PLEKHM3: variants seen among roughly 807,000 people sequenced by gnomAD.
PLEKHM3 encodes pleckstrin homology domain-containing family M member 3.
In PLEKHM3, 45 loss-of-function variants were observed where a neutral mutation model predicts 81.8. That is an observed-to-expected ratio of 0.55 (90% CI 0.43 to 0.71). The LOEUF (loss-of-function observed/expected upper bound fraction) is 0.71, where lower values mean the gene tolerates loss of function less well. PLEKHM3 is among the 30% of genes least tolerant of loss of function. The pLI, the probability that PLEKHM3 is intolerant of heterozygous loss-of-function variation, is 0.00. For synonymous variants in PLEKHM3, 352 were observed against 356.4 expected (o/e 0.99, Z 0.14); for missense variants, 788 against 924.3 (o/e 0.85, Z 1.91).
chr2:207,970,284 A>ACTCTCT (rs148855811), intron 3 of PLEKHM3, among the ~76,000 whole-genome samples: 4 of 150,016 alleles, frequency 2.7e-5, no homozygotes, highest in South Asian at 2.1e-4. Context: ...CAAAAATGAA[A>ACTCTCT]CTCTCTCTCT....
intron 2 of PLEKHM3, 86 bp from the exon 3 acceptor site, chr2:207,977,672 A>G: frequency 8.8e-7 from 1 of 1,139,388 alleles, no homozygotes; most frequent in Non-Finnish European, 1.3e-6. Context: ...AGGGCACAAG[A>G]AACCACACAG....
At position 208,013,896 on chromosome 2, in the gene PLEKHM3, G is replaced by A. The variant is rs2106117748; in HGVS notation, c.-319+11493C>T. On this transcript the variant is annotated intron_variant, in intron 1 of 7. Transcript: ENST00000427836. Reference sequence around the variant, plus strand: ...ACAAACCAGTTTCTATGGGCATTCAGAGTAAATGTATGAGAGAAGTAATTA... The same window carrying A: ...ACAAACCAGTTTCTATGGGCATTCAAAGTAAATGTATGAGAGAAGTAATTA... Among the ~76,000 whole-genome samples, 3 of 152,352 alleles carry A rather than the reference G, an allele frequency of 2.0e-5. No individual in the cohort carries two copies. The South Asian group carries it at 6.2e-4, about 32-fold the overall frequency.
chr2:207,892,602 C>T (rs1688093817), intron 6 of PLEKHM3, among the ~76,000 whole-genome samples: 1 of 152,140 alleles, frequency 6.6e-6, no homozygotes. Flanking sequence ...GAAGCTAAAT[C>T]CAAGGTCTGA....
intron 7 of PLEKHM3, among the ~76,000 whole-genome samples, chr2:207,854,148 A>G (rs2092426829): frequency 1.3e-5 from 2 of 152,208 alleles, no homozygotes; most frequent in African/African-American, 4.8e-5. Context: ...GATATTAGGT[A>G]TATTTCTGAG....
intron 4 of PLEKHM3, among the ~76,000 whole-genome samples, chr2:207,942,775 C>T (rs2105962035): frequency 6.6e-6 from 1 of 152,286 alleles, no homozygotes; most frequent in East Asian, 1.9e-4. Flanking sequence ...TGGCATGTGC[C>T]TGTAGTTCCA....
chr2:207,844,261 T>C lies in PLEKHM3; in HGVS notation c.2109-15765A>G, dbSNP rs564433588. On this transcript the variant is annotated intron_variant, in intron 7 of 7. Transcript: ENST00000427836. ...GGTTCATTATTTGTGTACTCTATTA[T>C]GCTATTGGTTTTATAAAATAACAAT... is the stretch of plus-strand genomic sequence containing the variant. Among the ~76,000 whole-genome samples the C allele has an allele frequency of 2.6e-5, 4 of 152,252 alleles. No homozygotes were observed. The South Asian group carries it at 8.3e-4, about 32-fold the overall frequency.
intron 6 of PLEKHM3, among the ~76,000 whole-genome samples, chr2:207,880,298 T>A (rs1445765920): frequency 4.6e-5 from 7 of 151,208 alleles, no homozygotes; most frequent in Non-Finnish European, 1.0e-4. Context: ...TCCCAGCTAC[T>A]GGGGAGGCTG....
Position 207,930,957 on chromosome 2 carries a change from G to A in PLEKHM3, c.1855C>T (p.Arg619Trp). The change falls in exon 5 of 8, where the codon CGG becomes TGG. Residue 619 changes from arginine (R) to tryptophan (W), a missense_variant. Coordinates refer to ENST00000427836, the MANE Select transcript of PLEKHM3 (RefSeq NM_001080475.3). ...KSLRAYLFSC[R>W]AAVAEDLRRR... ...CGGAGATCCTCTGCCACCGCTGCCC[G>A]GCAGCTGAACAAATAGGCTCGGAGC... 2 of 1,613,338 alleles carry A rather than the reference G, an allele frequency of 1.2e-6. No homozygotes were observed. The highest frequency in any genetic ancestry group is 1.7e-6 in the Non-Finnish European group (2 of 1,179,368).
intron 3 of PLEKHM3, among the ~76,000 whole-genome samples, chr2:207,974,293 C>A (rs1691226371): frequency 6.6e-6 from 1 of 152,126 alleles, no homozygotes; most frequent in Admixed American, 6.5e-5. Flanking sequence ...CTGCCGGATG[C>A]GAATGAGCTT....
chr2:207,936,574 C>T (rs1421725199), intron 4 of PLEKHM3, among the ~76,000 whole-genome samples: 2 of 152,046 alleles, frequency 1.3e-5, no homozygotes, highest in Non-Finnish European at 2.9e-5. Flanking sequence ...AGCTGACATC[C>T]TAGCACCAGG....
rs1364350089 is a variant in PLEKHM3 at position 207,843,317 on chromosome 2, C to A, written c.2109-14821G>T. On this transcript the variant is annotated intron_variant, in intron 7 of 7. Coordinates refer to ENST00000427836, the MANE Select transcript of PLEKHM3 (RefSeq NM_001080475.3). This position sits in a 1 kb window ranked among gnomAD's most constrained non-coding sequence, Gnocchi z 4.4. ...CCTGCCTGAGCCACCTCCCCAGACC[C>A]CTCTCTGAGAAAAAGTGAGGTAACA... Among the ~76,000 whole-genome samples the A allele has an allele frequency of 2.0e-5, 3 of 152,208 alleles. No homozygotes were observed. The highest frequency in any genetic ancestry group is 4.1e-4 in the South Asian group (2 of 4,822).
intron 7 of PLEKHM3, among the ~76,000 whole-genome samples, chr2:207,858,184 T>A (rs542090101): frequency 0.014 from 1,568 of 111,782 alleles, 33 homozygotes; most frequent in African/African-American, 0.032. Flanking sequence ...GTATATATTT[T>A]TTTTTTTGAG....
At chr2:207,910,061 C>T (rs1199194046) in intron 5 of PLEKHM3, among the ~76,000 whole-genome samples, 1 of 152,212 alleles carries the variant, frequency 6.6e-6, no homozygotes, top group Non-Finnish European at 1.5e-5. Flanking sequence ...CTGAAGAATT[C>T]TGCTGGAAAG....
chr2:207,861,523 C>T (rs2092467032), intron 6 of PLEKHM3, among the ~76,000 whole-genome samples: 1 of 142,246 alleles, frequency 7.0e-6, no homozygotes, highest in Non-Finnish European at 1.6e-5. Flanking sequence ...AAGACTGAGG[C>T]CCAACAAATG....
intron 6 of PLEKHM3, among the ~76,000 whole-genome samples, chr2:207,901,507 A>T (rs1688425361): frequency 6.6e-6 from 1 of 152,246 alleles, no homozygotes; most frequent in African/African-American, 2.4e-5. Context: ...ACCTAGCAGC[A>T]GTTGTCACTC....
chr2:207,962,982 A>C (rs559731426), intron 3 of PLEKHM3, among the ~76,000 whole-genome samples: 4 of 151,882 alleles, frequency 2.6e-5, no homozygotes, highest in African/African-American at 9.6e-5. Context: ...TGGTTTGCTA[A>C]ATAGGGAACA....
At chr2:207,898,238 A>C (rs1337162876) in intron 6 of PLEKHM3, among the ~76,000 whole-genome samples, 1 of 152,222 alleles carries the variant, frequency 6.6e-6, no homozygotes, top group Non-Finnish European at 1.5e-5. Context: ...GAAATTTCAC[A>C]TAAAAATACA....
intron 1 of PLEKHM3, among the ~76,000 whole-genome samples, chr2:208,006,339 G>T (rs964203728): frequency 1.3e-5 from 2 of 152,122 alleles, no homozygotes. Flanking sequence ...ATATAAAGGG[G>T]ACCTTCCTCT....
rs1038648425 is a variant in PLEKHM3, at chr2:207,989,943, G to C, written c.610+11087C>G. On this transcript the variant is annotated intron_variant, in intron 2 of 7. Coordinates refer to ENST00000427836, the MANE Select transcript of PLEKHM3 (RefSeq NM_001080475.3). ...GCTGATGGCATGGAGGAGCAGATCT[G>C]GGGGAGCGGACCAGAATTAGTGCTC... is the stretch of plus-strand genomic sequence containing the variant. Among the ~76,000 whole-genome samples the C allele has an allele frequency of 2.6e-5, 4 of 152,188 alleles. No individual in the cohort carries two copies. In the East Asian group the frequency reaches 5.8e-4, roughly 22 times the overall value.
Sources: allele counts gnomAD v4.1 joint callset (sites outside exome capture counted in the v4.1 genomes callset), GRCh38; gene constraint gnomAD v4.1.1; non-coding constraint Gnocchi (gnomAD v3.1); transcripts MANE v1.5; gene names NCBI Gene and HGNC (gene_info 2026-07-23, HGNC 2026-07-21).